FAM81A: variants seen among roughly 807,000 people sequenced by gnomAD.
FAM81A encodes the protein protein FAM81A.
Under a neutral mutation model 46.7 loss-of-function variants are expected in FAM81A, and 19 were observed. The ratio of observed to expected loss-of-function variants is 0.41; its 90% CI spans 0.28 to 0.60. The LOEUF is 0.60. FAM81A is among the 20% of genes least tolerant of loss of function. The pLI is 0.34. For synonymous variants in FAM81A, 183 were observed against 152.9 expected (o/e 1.20, Z -1.45); for missense variants, 377 against 453.5 (o/e 0.83, Z 1.53).
intron 2 of FAM81A, among the ~76,000 whole-genome samples, chr15:59,420,220 C>T (rs1316687748): frequency 1.3e-5 from 2 of 152,216 alleles, no homozygotes; most frequent in Non-Finnish European, 2.9e-5. Flanking sequence ...TTACATGCAG[C>T]TTCTAGCGCT....
chr15:59,435,948 T>G (rs775934085), upstream of FAM81A, among the ~76,000 whole-genome samples: 2 of 152,082 alleles, frequency 1.3e-5, no homozygotes, highest in Non-Finnish European at 2.9e-5. Context: ...TTAATCATTG[T>G]GCATTAAATT....
Position 59,460,765 on chromosome 15 carries a change from CA to C in FAM81A, c.294+561del, listed in dbSNP as rs1247726771. On this transcript the variant is annotated intron_variant, in intron 3 of 8. Coordinates refer to ENST00000288228, the MANE Select transcript of FAM81A (RefSeq NM_152450.3). The surrounding 1 kb of genome is among the most constrained non-coding windows in gnomAD (Gnocchi z 4.4). ...GGTAGATTTACTGCTATTTATTGAG[CA>C]ATCACAGGGACCACACAGTTTAGTT... 29 of 191,622 alleles carry C rather than the reference CA, an allele frequency of 1.5e-4. No individual in the cohort carries two copies. The highest frequency in any genetic ancestry group is 1.0e-3 in the Admixed American group (19 of 18,510). The allele number at this position is 191,622 out of a possible 1,614,324, so 11.9% of individuals were successfully genotyped here. A position where few individuals can be genotyped will look rare whatever the true frequency, so the allele number is the denominator to read the frequency against.
At chr15:59,486,982 C>T (rs570572293) in intron 3 of FAM81A, among the ~76,000 whole-genome samples, 7 of 151,832 alleles carry the variant, frequency 4.6e-5, no homozygotes, top group Non-Finnish European at 7.4e-5. Flanking sequence ...CACAGAAAAA[C>T]GCAGAATATT....
chr15:59,418,768 A>G (rs1031846513), intron 2 of FAM81A, among the ~76,000 whole-genome samples: 8 of 151,700 alleles, frequency 5.3e-5, no homozygotes, highest in African/African-American at 1.7e-4. Context: ...AGTTCTGAAG[A>G]TGGATAGCTT....
At chr15:59,511,864 TG>T (rs2082212850) in intron 6 of FAM81A, among the ~76,000 whole-genome samples, 1 of 152,066 alleles carries the variant, frequency 6.6e-6, no homozygotes, top group South Asian at 2.1e-4. Flanking sequence ...TTAGCCAGGA[TG>T]GTCTCAATCT....
At position 59,401,964 on chromosome 15, in the gene FAM81A, T is replaced by C; in HGVS notation, c.-160-312T>C. 6 of 718,504 alleles carry C rather than the reference T, an allele frequency of 8.4e-6. No individual in the cohort carries two copies. The Admixed American group carries it at 1.1e-4, about 13-fold the overall frequency. The allele number at this position is 718,504 out of a possible 1,614,324, so 44.5% of individuals were successfully genotyped here. On this transcript the variant is annotated intron_variant, in intron 1 of 4. Transcript: ENST00000558348. ...CTCATGGTAATCCAAACAGTATCCA[T>C]GGTGTTTACAGTGTAATTCAATATA...
chr15:59,450,988 C>A (rs905874564), intron 1 of FAM81A, among the ~76,000 whole-genome samples: 1 of 152,148 alleles, frequency 6.6e-6, no homozygotes, highest in African/African-American at 2.4e-5. Context: ...GGGAGAGGAC[C>A]ATGCAAGGTG....
chr15:59,516,333 T>A (rs533899903), intron 7 of FAM81A, among the ~76,000 whole-genome samples: 5 of 152,282 alleles, frequency 3.3e-5, no homozygotes, highest in African/African-American at 1.2e-4. Context: ...TTTCACCATG[T>A]TGGCCAGGCT....
At chr15:59,442,301 ATT>A (rs553321063) in intron 1 of FAM81A, among the ~76,000 whole-genome samples, 100 of 152,292 alleles carry the variant, frequency 6.6e-4, no homozygotes, top group African/African-American at 2.3e-3. Flanking sequence ...ACTTTGAATA[ATT>A]CAAATTTATA....
At position 59,521,002 on chromosome 15, in the gene FAM81A, A is replaced by C. The variant is rs529658830; in HGVS notation, c.983-252A>C. ...TTTCTCCCAGTATGGGTGACGTGAGATTTGATCACTTGGTTAAAGGGGTAT... is the reference window on the plus strand; with the variant it reads ...TTTCTCCCAGTATGGGTGACGTGAGCTTTGATCACTTGGTTAAAGGGGTAT... On this transcript the variant is annotated intron_variant, in intron 8 of 8. Transcript: ENST00000288228. Among the ~76,000 whole-genome samples, 119 of 152,230 alleles carry C rather than the reference A, an allele frequency of 7.8e-4. 1 individual carries two copies. The highest frequency in any genetic ancestry group is 2.4e-3 in the African/African-American group (100 of 41,536).
At chr15:59,474,131 T>G (rs1352766769) in intron 3 of FAM81A, among the ~76,000 whole-genome samples, 1 of 152,208 alleles carries the variant, frequency 6.6e-6, no homozygotes, top group Non-Finnish European at 1.5e-5. Context: ...GTGCCACTCT[T>G]ACTATAGCAT....
intron 6 of FAM81A, among the ~76,000 whole-genome samples, chr15:59,511,623 T>G (rs568580508): frequency 6.6e-6 from 1 of 152,280 alleles, no homozygotes; most frequent in South Asian, 2.1e-4. Context: ...GAGCTATGTA[T>G]CAGTATTTTT....
intron 4 of FAM81A, among the ~76,000 whole-genome samples, chr15:59,499,099 T>G (rs1273786312): frequency 6.6e-6 from 1 of 152,216 alleles, no homozygotes; most frequent in Non-Finnish European, 1.5e-5. Flanking sequence ...TTCCACCTAT[T>G]GAGATGATCG....
At chr15:59,495,174 T>C (rs576486651) in intron 4 of FAM81A, among the ~76,000 whole-genome samples, 1 of 152,308 alleles carries the variant, frequency 6.6e-6, no homozygotes, top group South Asian at 2.1e-4. Context: ...CCCATACCTG[T>C]TAGCTGTCAC....
At chr15:59,479,681 A>G (rs1170739084) in intron 3 of FAM81A, among the ~76,000 whole-genome samples, 1 of 152,066 alleles carries the variant, frequency 6.6e-6, no homozygotes, top group Non-Finnish European at 1.5e-5. Flanking sequence ...TTCCAAGGCC[A>G]TAAGTAGGAA....
chr15:59,466,722 T>C (rs1344669249), intron 3 of FAM81A, among the ~76,000 whole-genome samples: 24 of 152,192 alleles, frequency 1.6e-4, no homozygotes, highest in Non-Finnish European at 3.4e-4. Context: ...TAGATCCCAT[T>C]TGTCTATTTT....
At chr15:59,458,714 T>G in intron 2 of FAM81A, 68 bp downstream of exon 2, 1 of 1,446,124 alleles carries the variant, frequency 6.9e-7, no homozygotes, top group African/African-American at 1.4e-5. Context: ...AATCAAAGCT[T>G]GGGCTGTTAC....
chr15:59,456,293 C>T (rs1348555634), intron 1 of FAM81A, among the ~76,000 whole-genome samples: 1 of 140,114 alleles, frequency 7.1e-6, no homozygotes, highest in East Asian at 2.3e-4. Context: ...GTGGCGGGGG[C>T]GGGGGTTCCC....
intron 1 of FAM81A, among the ~76,000 whole-genome samples, chr15:59,451,820 G>A (rs1263446995): frequency 6.6e-6 from 1 of 152,048 alleles, no homozygotes; most frequent in African/African-American, 2.4e-5. Flanking sequence ...CCTCCTTTCT[G>A]GTTGCACATT....
Sources: allele counts gnomAD v4.1 joint callset (sites outside exome capture counted in the v4.1 genomes callset), GRCh38; gene constraint gnomAD v4.1.1; non-coding constraint Gnocchi (gnomAD v3.1); transcripts MANE v1.5; gene names NCBI Gene and HGNC (gene_info 2026-07-23, HGNC 2026-07-21).